Variants in PCGF5 observed in about 807,000 individuals in gnomAD.
PCGF5 encodes polycomb group RING finger protein 5.
In PCGF5, 9 loss-of-function variants were observed where a neutral mutation model predicts 44.3. The ratio of observed to expected loss-of-function variants is 0.20; its 90% CI spans 0.12 to 0.35. The LOEUF is 0.35. Among genes scored for constraint, PCGF5 ranks in the 10% least tolerant of loss-of-function variants. PCGF5 has a pLI of 1.00. For missense variants in PCGF5, 146 were observed against 305.3 expected (o/e 0.48, Z 3.89); for synonymous variants, 95 against 102.5 (o/e 0.93, Z 0.44).
chr10:91,186,345 T>G (rs972138065), intron 1 of PCGF5, among the ~76,000 whole-genome samples: 3 of 152,166 alleles, frequency 2.0e-5, no homozygotes, highest in African/African-American at 7.2e-5. Context: ...TAGTTGTCTA[T>G]GGCGAGAATT....
intron 1 of PCGF5, among the ~76,000 whole-genome samples, chr10:91,197,747 T>C (rs1219285775): frequency 6.6e-6 from 1 of 152,334 alleles, no homozygotes; most frequent in East Asian, 1.9e-4. Flanking sequence ...TTTTCCTTCC[T>C]ATTTTCAGTA....
chr10:91,178,767 T>TAA (rs5786944), intron 1 of PCGF5, among the ~76,000 whole-genome samples: 2,263 of 149,654 alleles, frequency 0.015, 48 homozygotes, highest in African/African-American at 0.051. Flanking sequence ...TTAAAAATAG[T>TAA]AAAAAAAAAA....
intron 1 of PCGF5, among the ~76,000 whole-genome samples, chr10:91,198,848 T>C (rs1267243640): frequency 6.6e-6 from 1 of 152,216 alleles, no homozygotes; most frequent in East Asian, 1.9e-4. Context: ...TTCTACCCCA[T>C]GGTCTTTGGC....
At chr10:91,195,483 TATAGAGAGAG>T (rs1481502358) in intron 1 of PCGF5, among the ~76,000 whole-genome samples, 1 of 102,084 alleles carries the variant, frequency 9.8e-6, no homozygotes, top group African/African-American at 3.5e-5. Context: ...TATATATATA[TATAGAGAGAG>T]AGAGAGAGAG....
chr10:91,165,892 C>A (rs577627558), intron 1 of PCGF5, among the ~76,000 whole-genome samples: 2 of 152,226 alleles, frequency 1.3e-5, no homozygotes, highest in Admixed American at 6.5e-5. Flanking sequence ...AGTCTTGTAG[C>A]AATATTTTCA....
At chr10:91,275,507 C>A (rs190427251) in intron 9 of PCGF5, among the ~76,000 whole-genome samples, 1 of 150,202 alleles carries the variant, frequency 6.7e-6, no homozygotes, top group Non-Finnish European at 1.5e-5. Flanking sequence ...GTGGTGCGAT[C>A]TTGGCTCATT....
At chr10:91,185,851 G>C (rs1184241711) in intron 1 of PCGF5, among the ~76,000 whole-genome samples, 4 of 151,954 alleles carry the variant, frequency 2.6e-5, no homozygotes, top group Admixed American at 2.6e-4. Context: ...CTCCCTGGTG[G>C]GCCATCATTT....
chr10:91,264,552 AT>A (rs748808214), intron 8 of PCGF5, 32 bp downstream of exon 8: 2 of 1,442,516 alleles, frequency 1.4e-6, no homozygotes, highest in Admixed American at 1.8e-5. Flanking sequence ...CTATGTGTTT[AT>A]TTAGTTATAT....
intron 3 of PCGF5, among the ~76,000 whole-genome samples, chr10:91,244,440 G>A (rs1336288377): frequency 6.6e-6 from 1 of 152,176 alleles, no homozygotes; most frequent in African/African-American, 2.4e-5. Flanking sequence ...TGGGCAACAA[G>A]AGCAGAGAGA....
chr10:91,159,264 A>G (rs1015239774), upstream of PCGF5, among the ~76,000 whole-genome samples: 2 of 152,074 alleles, frequency 1.3e-5, no homozygotes, highest in Non-Finnish European at 2.9e-5. Flanking sequence ...TTTTTTGCCT[A>G]TATTTAATGA....
chr10:91,193,832 T>A (rs1384191756), intron 1 of PCGF5, among the ~76,000 whole-genome samples: 1 of 152,120 alleles, frequency 6.6e-6, no homozygotes, highest in Non-Finnish European at 1.5e-5. Context: ...ATAGCAGGAA[T>A]CCTAATATGA....
intron 2 of PCGF5, among the ~76,000 whole-genome samples, chr10:91,235,681 C>T (rs1047513475): frequency 3.3e-5 from 5 of 152,014 alleles, no homozygotes; most frequent in Non-Finnish European, 7.4e-5. Context: ...ATCATGGGGG[C>T]GGGTCTTTCT....
chr10:91,211,538 C>T (rs897204732), intron 1 of PCGF5, among the ~76,000 whole-genome samples: 25 of 152,270 alleles, frequency 1.6e-4, no homozygotes, highest in African/African-American at 3.4e-4. Flanking sequence ...AAATGTGAAA[C>T]GTCAGTACTG....
intron 8 of PCGF5, among the ~76,000 whole-genome samples, chr10:91,267,590 T>G (rs1846077893): frequency 6.6e-6 from 1 of 152,248 alleles, no homozygotes; most frequent in Admixed American, 6.5e-5. Flanking sequence ...TATCTGAATC[T>G]CAGCTTCCTT....
intron 9 of PCGF5, among the ~76,000 whole-genome samples, chr10:91,272,011 G>C (rs1199816301): frequency 6.6e-6 from 1 of 152,096 alleles, no homozygotes; most frequent in Admixed American, 6.5e-5. Flanking sequence ...TACTTTCTTT[G>C]TATGAATGTT....
At chr10:91,257,455 C>T (rs1319560811) in intron 6 of PCGF5, among the ~76,000 whole-genome samples, 1 of 151,752 alleles carries the variant, frequency 6.6e-6, no homozygotes, top group Non-Finnish European at 1.5e-5. Context: ...ATCCAGTAGT[C>T]CCCCCCTTAT....
At chr10:91,260,918 C>T (rs1354910669) in intron 6 of PCGF5, among the ~76,000 whole-genome samples, 1 of 151,604 alleles carries the variant, frequency 6.6e-6, no homozygotes, top group African/African-American at 2.4e-5. Context: ...ATGTAACAAA[C>T]CTGCACGTTG....
upstream of PCGF5, among the ~76,000 whole-genome samples, chr10:91,159,403 G>T (rs11186476): frequency 4.7e-3 from 723 of 152,276 alleles, 5 homozygotes; most frequent in African/African-American, 0.017. Flanking sequence ...CCTTTGGGAA[G>T]TAATTAAGTC....
At chr10:91,272,278 GATT>G (rs1345312582) in intron 9 of PCGF5, among the ~76,000 whole-genome samples, 4 of 152,166 alleles carry the variant, frequency 2.6e-5, no homozygotes, top group African/African-American at 4.8e-5. Flanking sequence ...GTATAGTAAA[GATT>G]ATTGTTGGGT....
Sources: gnomAD v4.1 joint callset for allele counts (sites outside exome capture counted in the v4.1 genomes callset) on GRCh38, gnomAD v4.1.1 for gene constraint, MANE v1.5 for transcripts, NCBI Gene and HGNC (gene_info 2026-07-23, HGNC 2026-07-21) for gene names.